The following SUSD4 variants were observed in gnomAD, a reference collection of about 807,000 sequenced individuals.
The protein encoded by SUSD4 is sushi domain containing 4, also known as sushi domain-containing protein 4.
In SUSD4, 41 loss-of-function variants were observed where a neutral mutation model predicts 50.5. That is an observed-to-expected ratio of 0.81 (90% CI 0.63 to 1.05). The LOEUF is 1.05. SUSD4 is among the 50% of genes least tolerant of loss of function. The pLI, the probability that SUSD4 is intolerant of heterozygous loss-of-function variation, is 0.00. For missense variants in SUSD4, 580 were observed against 634.7 expected (o/e 0.91, Z 0.93); for synonymous variants, 257 against 257.3 (o/e 1.00, Z 0.01).
intron 2 of SUSD4, among the ~76,000 whole-genome samples, chr1:223,333,140 G>A (rs914389486): frequency 4.6e-5 from 7 of 151,934 alleles, no homozygotes; most frequent in African/African-American, 1.5e-4. Flanking sequence ...AACCTCCCCC[G>A]TTACGGTGAC....
chr1:223,343,715 A>G (rs1204112256), intron 2 of SUSD4, among the ~76,000 whole-genome samples: 1 of 152,202 alleles, frequency 6.6e-6, no homozygotes, highest in Non-Finnish European at 1.5e-5. Flanking sequence ...AAAAAATTCA[A>G]CAATGAATAT....
intron 2 of SUSD4, among the ~76,000 whole-genome samples, chr1:223,343,802 C>A (rs1667887872): frequency 6.6e-6 from 1 of 152,116 alleles, no homozygotes; most frequent in Non-Finnish European, 1.5e-5. Context: ...CTCTGTAAAC[C>A]CGTGAAGTCC....
chr1:223,278,810 A>G (rs1558208503), intron 3 of SUSD4, among the ~76,000 whole-genome samples: 1 of 152,006 alleles, frequency 6.6e-6, no homozygotes, highest in East Asian at 1.9e-4. Context: ...ACTGGGAGGC[A>G]CCCCCCGAGT....
intron 5 of SUSD4, among the ~76,000 whole-genome samples, chr1:223,239,351 T>C (rs1660425051): frequency 6.6e-6 from 1 of 152,108 alleles, no homozygotes; most frequent in African/African-American, 2.4e-5. Flanking sequence ...TGGTTATTGA[T>C]ATAGTTGAGT....
intron 3 of SUSD4, among the ~76,000 whole-genome samples, chr1:223,279,272 C>T (rs1476781486): frequency 6.6e-6 from 1 of 152,146 alleles, no homozygotes; most frequent in Non-Finnish European, 1.5e-5. Flanking sequence ...TCAAACTTCT[C>T]CGAGCTAAAG....
intron 2 of SUSD4, among the ~76,000 whole-genome samples, chr1:223,322,535 C>A (rs917524613): frequency 1.3e-5 from 2 of 152,172 alleles, no homozygotes; most frequent in Admixed American, 1.3e-4. Context: ...AAGCTAAAAT[C>A]TGTACACAAA....
intron 3 of SUSD4, among the ~76,000 whole-genome samples, chr1:223,274,884 A>G (rs745322294): frequency 1.3e-5 from 2 of 152,212 alleles, no homozygotes; most frequent in African/African-American, 4.8e-5. Flanking sequence ...TCTGGCCACA[A>G]TGAAATAAAG....
chr1:223,360,459 G>A (rs1572142882), intron 2 of SUSD4: 3 of 249,100 alleles, frequency 1.2e-5, no homozygotes, highest in Admixed American at 5.0e-5. Context: ...CTTCCTTAAC[G>A]ACAAAAGACA....
In SUSD4 at chr1:223,252,192, C is replaced by T. The variant is rs1457330878; in HGVS notation, c.724+12438G>A. On this transcript the variant is annotated intron_variant, in intron 5 of 8. Transcript: ENST00000366878. The stretch of plus-strand genomic sequence containing the variant: ...ATGTAACAAACCTGCACGTTGTGCA[C>T]ATGTACCCTAGAACTTAAAGTATAA... Among the ~76,000 whole-genome samples the T allele has an allele frequency of 2.1e-5, 3 of 141,184 alleles. No homozygotes were observed. The Admixed American group carries it at 2.2e-4, about 10-fold the overall frequency. 92.6% of individuals were successfully genotyped at this position (141,184 alleles called of 152,430 possible).
intron 5 of SUSD4, among the ~76,000 whole-genome samples, chr1:223,245,887 T>C (rs1660891960): frequency 6.6e-6 from 1 of 152,186 alleles, no homozygotes; most frequent in South Asian, 2.1e-4. Context: ...TCGATTGTGG[T>C]ACTACTGACT....
At chr1:223,288,788 T>C (rs1664300917) in intron 3 of SUSD4, among the ~76,000 whole-genome samples, 1 of 152,216 alleles carries the variant, frequency 6.6e-6, no homozygotes, top group African/African-American at 2.4e-5. Context: ...GATTTTAGTC[T>C]CTTTAAGATG....
At chr1:223,269,340 A>T (rs1286018385) in intron 3 of SUSD4, among the ~76,000 whole-genome samples, 1 of 152,190 alleles carries the variant, frequency 6.6e-6, no homozygotes, top group East Asian at 1.9e-4. Context: ...TTTATAGGAG[A>T]AGAGGCAAGG....
chr1:223,353,588 T>A (rs918115600), intron 2 of SUSD4, among the ~76,000 whole-genome samples: 2 of 152,160 alleles, frequency 1.3e-5, no homozygotes, highest in African/African-American at 4.8e-5. Flanking sequence ...GATCACTCTC[T>A]AACAATTGAA....
chr1:223,229,097 G>C lies in SUSD4; in HGVS notation c.916+100C>G, dbSNP rs1046329987. The C allele has an allele frequency of 6.6e-6, 8 of 1,204,922 alleles. No individual in the cohort carries two copies. The East Asian group carries it at 9.5e-5, about 14-fold the overall frequency. The allele number at this position is 1,204,922 out of a possible 1,614,324, so 74.6% of individuals were successfully genotyped here. Reference sequence around the variant, plus strand: ...CGATATCCTGTTCCTGACACTGGGTGGGGGAGGAGAGATACAGCTTGGTAC... The same window carrying C: ...CGATATCCTGTTCCTGACACTGGGTCGGGGAGGAGAGATACAGCTTGGTAC... On this transcript the variant is annotated intron_variant, in intron 6 of 8. Transcript: ENST00000366878. This position sits in a 1 kb window ranked among gnomAD's most constrained non-coding sequence, Gnocchi z 4.7.
rs755764360 is a variant in SUSD4, at chr1:223,304,092, G to A, written c.149-11441C>T. Among the ~76,000 whole-genome samples the A allele has an allele frequency of 6.6e-5, 10 of 152,272 alleles. No individual in the cohort carries two copies. The Middle Eastern group carries it at 0.014, about 207-fold the overall frequency. On this transcript the variant is annotated intron_variant, in intron 2 of 8. Transcript: ENST00000366878. ...AGAAGAGCCGTGGCAAGATGAGGGC[G>A]TTTATAGGCCTGTCTTATCCATATG...
At chr1:223,336,916 T>C (rs1667488368) in intron 2 of SUSD4, among the ~76,000 whole-genome samples, 1 of 152,028 alleles carries the variant, frequency 6.6e-6, no homozygotes, top group South Asian at 2.1e-4. Context: ...GCCCAGAAAC[T>C]CTCCCTTGAA....
At chr1:223,251,066 A>T (rs757746246) in intron 5 of SUSD4, among the ~76,000 whole-genome samples, 2 of 152,228 alleles carry the variant, frequency 1.3e-5, no homozygotes, top group Non-Finnish European at 2.9e-5. Context: ...GGGTAACTGC[A>T]GATGTAATTA....
intron 2 of SUSD4, among the ~76,000 whole-genome samples, chr1:223,346,590 T>C (rs1668047874): frequency 6.6e-6 from 1 of 152,102 alleles, no homozygotes. Context: ...ATGGCTTGAA[T>C]TTGGGACCCA....
intron 3 of SUSD4, among the ~76,000 whole-genome samples, chr1:223,281,937 C>T (rs1324543240): frequency 2.6e-5 from 4 of 152,230 alleles, no homozygotes; most frequent in South Asian, 2.1e-4. Context: ...GTTCAACATA[C>T]GCAAATCAAT....
Sources: allele counts gnomAD v4.1 joint callset (sites outside exome capture counted in the v4.1 genomes callset), GRCh38; gene constraint gnomAD v4.1.1; non-coding constraint Gnocchi (gnomAD v3.1); transcripts MANE v1.5; gene names NCBI Gene and HGNC (gene_info 2026-07-23, HGNC 2026-07-21).